The following SNTG1 variants were observed in gnomAD, a reference collection of about 807,000 sequenced individuals.
SNTG1 encodes syntrophin gamma 1.
A neutral mutation model predicts 74.7 loss-of-function variants in SNTG1; 39 were observed. The ratio of observed to expected loss-of-function variants is 0.52; its 90% CI spans 0.40 to 0.68. The LOEUF is 0.68. Among genes scored for constraint, SNTG1 ranks in the 30% least tolerant of loss-of-function variants. The pLI is 0.00. For missense variants in SNTG1, 685 were observed against 609.5 expected (o/e 1.12, Z -1.30); for synonymous variants, 254 against 217.1 (o/e 1.17, Z -1.49).
At chr8:50,672,561 A>G (rs1340011282) in intron 15 of SNTG1, among the ~76,000 whole-genome samples, 2 of 151,956 alleles carry the variant, frequency 1.3e-5, no homozygotes, top group Admixed American at 6.6e-5. Flanking sequence ...AATTTGTTTA[A>G]GTTCCTTGTA....
chr8:49,998,306 T>G (rs1814425965), intron 1 of SNTG1, among the ~76,000 whole-genome samples: 1 of 152,182 alleles, frequency 6.6e-6, no homozygotes. Flanking sequence ...ATGACTTTAC[T>G]TACTATACAT....
chr8:50,708,908 T>C lies in SNTG1; in HGVS notation c.1214T>C (p.Leu405Pro). 2 of 1,613,714 alleles carry C rather than the reference T, an allele frequency of 1.2e-6. No individual in the cohort carries two copies. The highest frequency in any genetic ancestry group is 1.7e-6 in the Non-Finnish European group (2 of 1,179,726). The change falls in exon 17 of 19, where the codon CTA (leucine) becomes CCA (proline). Residue 405 changes from leucine (L) to proline (P), a missense_variant. Leu to Pro is a moderately conservative substitution (Grantham distance 98). Transcript: ENST00000642720. ...RIQCKTYACV[L>P]ESHLMGLTID... ...TAGTGCAAGACCTATGCATGTGTGCTAGAAAGTCATCTAATGGGACTCACA... is the reference window on the plus strand; with the variant it reads ...TAGTGCAAGACCTATGCATGTGTGCCAGAAAGTCATCTAATGGGACTCACA...
chr8:50,141,968 C>T (rs2081673806), intron 1 of SNTG1, among the ~76,000 whole-genome samples: 1 of 152,124 alleles, frequency 6.6e-6, no homozygotes, highest in South Asian at 2.1e-4. Flanking sequence ...CACACTCACA[C>T]ATAGATACAA....
At chr8:49,992,087 A>G (rs1425596786) in intron 1 of SNTG1, among the ~76,000 whole-genome samples, 1 of 152,184 alleles carries the variant, frequency 6.6e-6, no homozygotes, top group East Asian at 1.9e-4. Flanking sequence ...GCGGGAACAG[A>G]ACTGGAACAC....
At position 49,975,769 on chromosome 8, in the gene SNTG1, A is replaced by ATG. The variant is rs55918843; in HGVS notation, c.-103+63560_-103+63561dup. The stretch of plus-strand genomic sequence containing the variant: ...AGACTCACAAAACATATATATATAT[A>ATG]TGTGTGTGTGTGTGTGTGTGTGTAA... On this transcript the variant is annotated intron_variant, in intron 1 of 18. Coordinates refer to ENST00000642720, the MANE Select transcript of SNTG1 (RefSeq NM_018967.5). Among the ~76,000 whole-genome samples the ATG allele has an allele frequency of 2.1e-3, 305 of 147,056 alleles. 2 individuals carry two copies. Among genetic ancestry groups the ATG allele is most frequent in the African/African-American group, 6.6e-3 (254 of 38,654 alleles).
intron 15 of SNTG1, among the ~76,000 whole-genome samples, chr8:50,663,377 C>T (rs984697886): frequency 2.0e-5 from 3 of 152,098 alleles, no homozygotes; most frequent in Non-Finnish European, 4.4e-5. Context: ...AAATCCTCTT[C>T]GAATGCAACG....
intron 2 of SNTG1, among the ~76,000 whole-genome samples, chr8:50,183,312 G>T (rs1455569813): frequency 2.0e-5 from 3 of 152,138 alleles, no homozygotes; most frequent in African/African-American, 7.2e-5. Flanking sequence ...CTGGCTTTCA[G>T]TGCTATGCTG....
intron 18 of SNTG1, among the ~76,000 whole-genome samples, chr8:50,760,911 C>A (rs1193540199): frequency 1.3e-5 from 2 of 151,898 alleles, no homozygotes; most frequent in Non-Finnish European, 2.9e-5. Context: ...AGTCCAGGAC[C>A]AGACGGATTC....
At position 50,115,239 on chromosome 8, in the gene SNTG1, A is replaced by G. The variant is rs181552900; in HGVS notation, c.-102-57322A>G. Among the ~76,000 whole-genome samples the G allele has an allele frequency of 9.9e-5, 15 of 152,118 alleles. No homozygotes were observed. The East Asian group carries it at 1.8e-3, about 18-fold the overall frequency. ...CTGGAGAGAATGGTGATTAAATTCT[A>G]CTAAGGATGTGGTTTTACAGTGTGA... On this transcript the variant is annotated intron_variant, in intron 1 of 18. Coordinates refer to ENST00000642720, the MANE Select transcript of SNTG1 (RefSeq NM_018967.5).
chr8:50,740,959 G>C (rs535065070), intron 17 of SNTG1, among the ~76,000 whole-genome samples: 30 of 152,078 alleles, frequency 2.0e-4, no homozygotes, highest in Admixed American at 1.1e-3. Flanking sequence ...TGGTCACATA[G>C]AGAAGAACAA....
At chr8:50,280,436 A>G (rs2088375956) in intron 2 of SNTG1, among the ~76,000 whole-genome samples, 1 of 152,232 alleles carries the variant, frequency 6.6e-6, no homozygotes, top group Non-Finnish European at 1.5e-5. Context: ...ACAAAAACAG[A>G]ATTAAACTCT....
At chr8:50,163,199 A>G (rs1355260583) in intron 1 of SNTG1, among the ~76,000 whole-genome samples, 2 of 152,182 alleles carry the variant, frequency 1.3e-5, no homozygotes, top group Non-Finnish European at 2.9e-5. Flanking sequence ...CAACTCAGCC[A>G]GTTATTCCAC....
intron 2 of SNTG1, among the ~76,000 whole-genome samples, chr8:50,285,423 G>A (rs564870816): frequency 3.3e-5 from 5 of 152,262 alleles, no homozygotes; most frequent in East Asian, 3.9e-4. Flanking sequence ...TCCAGCCTGT[G>A]AGACAGAGTG....
intron 4 of SNTG1, among the ~76,000 whole-genome samples, chr8:50,407,074 C>T (rs1271318574): frequency 6.6e-6 from 1 of 152,154 alleles, no homozygotes; most frequent in African/African-American, 2.4e-5. Context: ...CTTGACCTTT[C>T]ACAGTGCACT....
At chr8:50,579,947 C>G (rs927683258) in intron 12 of SNTG1, among the ~76,000 whole-genome samples, 1 of 152,176 alleles carries the variant, frequency 6.6e-6, no homozygotes, top group African/African-American at 2.4e-5. Flanking sequence ...TCTCCACACC[C>G]CATAATGGTA....
chr8:49,960,977 G>A (rs180901085), intron 1 of SNTG1, among the ~76,000 whole-genome samples: 1 of 152,146 alleles, frequency 6.6e-6, no homozygotes, highest in African/African-American at 2.4e-5. Context: ...TACCTGTATA[G>A]GAAAATGTGC....
chr8:50,185,465 G>A (rs533894590), intron 2 of SNTG1, among the ~76,000 whole-genome samples: 186 of 152,272 alleles, frequency 1.2e-3, no homozygotes, highest in Admixed American at 2.4e-3. Context: ...GTTAAAAGTT[G>A]TCCAAAGAAA....
rs181613986 is a variant in SNTG1, at chr8:50,249,985, T to A, written c.-28+77350T>A. On this transcript the variant is annotated intron_variant, in intron 2 of 18. Transcript: ENST00000642720. ...GCAACAGATCATAAATGAAAGGGTATTTATAAAATGCTTGAAAAAGAATTA... is the reference window on the plus strand; with the variant it reads ...GCAACAGATCATAAATGAAAGGGTAATTATAAAATGCTTGAAAAAGAATTA... 1.5e-4 allele frequency among the ~76,000 whole-genome samples: 23 copies of A among 151,960 alleles called. No individual in the cohort carries two copies. In the East Asian group the frequency reaches 4.5e-3, roughly 30 times the overall value.
intron 1 of SNTG1, among the ~76,000 whole-genome samples, chr8:49,971,160 G>T (rs555522895): frequency 2.6e-4 from 40 of 152,204 alleles, no homozygotes; most frequent in African/African-American, 7.9e-4. Flanking sequence ...ACATCAAAAA[G>T]CTTATTCACC....
Sources: gnomAD v4.1 joint callset for allele counts (sites outside exome capture counted in the v4.1 genomes callset) on GRCh38, gnomAD v4.1.1 for gene constraint, MANE v1.5 for transcripts, NCBI Gene and HGNC (gene_info 2026-07-23, HGNC 2026-07-21) for gene names.